Variants in HEMK2 observed in about 807,000 individuals in gnomAD.
The protein encoded by HEMK2 is methyltransferase HEMK2.
At chr21:28,585,771 G>C in the HEMK2 span, among the ~76,000 whole-genome samples, 1 of 152,074 alleles carries the variant, frequency 6.6e-6, no homozygotes, top group African/African-American at 2.4e-5. Context: ...ATTATAGGGA[G>C]AATAGGGAAG....
the HEMK2 span, among the ~76,000 whole-genome samples, chr21:28,785,231 C>A: frequency 6.6e-6 from 1 of 152,228 alleles, no homozygotes; most frequent in Non-Finnish European, 1.5e-5. Flanking sequence ...CGGCTTCATT[C>A]TTGAAGTCAG....
At chr21:28,786,904 C>A in the HEMK2 span, among the ~76,000 whole-genome samples, 3 of 152,054 alleles carry the variant, frequency 2.0e-5, no homozygotes, top group Non-Finnish European at 4.4e-5. Flanking sequence ...CACCATCATT[C>A]TTCACAGAGT....
chr21:28,700,562 T>C, the HEMK2 span, among the ~76,000 whole-genome samples: 1 of 152,276 alleles, frequency 6.6e-6, no homozygotes, highest in Admixed American at 6.5e-5. Flanking sequence ...AATGGATAAA[T>C]TCCTGGAAAT....
At chr21:28,801,709 G>T in the HEMK2 span, among the ~76,000 whole-genome samples, 3 of 151,988 alleles carry the variant, frequency 2.0e-5, no homozygotes, top group Non-Finnish European at 4.4e-5. Context: ...TATAAGATTA[G>T]GTTAAATCAT....
chr21:28,817,332 TTAAAGA>T, the HEMK2 span, among the ~76,000 whole-genome samples: 2 of 152,030 alleles, frequency 1.3e-5, no homozygotes, highest in African/African-American at 4.8e-5. Flanking sequence ...TCCAAAAAAA[TTAAAGA>T]TAATGTATAA....
the HEMK2 span, among the ~76,000 whole-genome samples, chr21:28,638,559 T>C: frequency 6.6e-6 from 1 of 152,094 alleles, no homozygotes; most frequent in Non-Finnish European, 1.5e-5. Context: ...GGCGTATGAG[T>C]TGGTTTGTGC....
At chr21:28,693,178 T>C in the HEMK2 span, among the ~76,000 whole-genome samples, 2 of 152,290 alleles carry the variant, frequency 1.3e-5, no homozygotes, top group African/African-American at 4.8e-5. Flanking sequence ...TAAAAACTTT[T>C]AAAATATATG....
the HEMK2 span, among the ~76,000 whole-genome samples, chr21:28,644,162 C>T: frequency 5.3e-5 from 8 of 152,078 alleles, no homozygotes; most frequent in Admixed American, 5.2e-4. Context: ...GCTGGGGAGG[C>T]CTCAGGAAAC....
At chr21:28,605,901 G>A in the HEMK2 span, among the ~76,000 whole-genome samples, 1 of 152,048 alleles carries the variant, frequency 6.6e-6, no homozygotes, top group Non-Finnish European at 1.5e-5. Context: ...TCCATTGAAG[G>A]TATCCATGAT....
At chr21:28,753,059 C>T in the HEMK2 span, among the ~76,000 whole-genome samples, 1 of 152,114 alleles carries the variant, frequency 6.6e-6, no homozygotes, top group Non-Finnish European at 1.5e-5. Flanking sequence ...TGCCTTGGTG[C>T]GATGGCTCTT....
chr21:28,736,826 G>A, the HEMK2 span, among the ~76,000 whole-genome samples: 34,457 of 151,034 alleles, frequency 0.23, 4,585 homozygotes, highest in African/African-American at 0.35. Flanking sequence ...AGGCAGGTGC[G>A]AAAGAAATAA....
the HEMK2 span, among the ~76,000 whole-genome samples, chr21:28,579,904 T>G: frequency 6.3e-3 from 961 of 152,314 alleles, 12 homozygotes; most frequent in African/African-American, 0.022. Flanking sequence ...GTTCTCCTCA[T>G]CGTGTAAGCA....
the HEMK2 span, chr21:28,875,890 C>T: frequency 6.6e-6 from 1 of 152,410 alleles, no homozygotes; most frequent in Admixed American, 6.5e-5. Flanking sequence ...GTAGTTCCTA[C>T]TTCTTGCTCA....
the HEMK2 span, among the ~76,000 whole-genome samples, chr21:28,785,191 A>G: frequency 6.6e-6 from 1 of 152,202 alleles, no homozygotes; most frequent in East Asian, 1.9e-4. Context: ...CACCACCTTT[A>G]AGAACTGTAA....
chr21:28,725,049 G>A, the HEMK2 span, among the ~76,000 whole-genome samples: 1 of 152,040 alleles, frequency 6.6e-6, no homozygotes, highest in Non-Finnish European at 1.5e-5. Context: ...CTCCCAAAGT[G>A]GTATCACACC....
the HEMK2 span, among the ~76,000 whole-genome samples, chr21:28,691,236 A>G: frequency 1.8e-5 from 2 of 112,044 alleles, no homozygotes; most frequent in African/African-American, 1.0e-4. Context: ...ACCCAGTGAG[A>G]CAGTTCATAT....
At chr21:28,847,879 G>A in the HEMK2 span, among the ~76,000 whole-genome samples, 2 of 152,078 alleles carry the variant, frequency 1.3e-5, no homozygotes, top group Non-Finnish European at 2.9e-5. Flanking sequence ...AAGAGAGAGA[G>A]TCTTTCCCCA....
the HEMK2 span, among the ~76,000 whole-genome samples, chr21:28,636,956 C>CT: frequency 6.6e-6 from 1 of 152,136 alleles, no homozygotes; most frequent in African/African-American, 2.4e-5. Flanking sequence ...CACAGACAAA[C>CT]CTGAAATCTT....
the HEMK2 span, among the ~76,000 whole-genome samples, chr21:28,742,685 GA>G: frequency 2.6e-5 from 4 of 151,012 alleles, no homozygotes; most frequent in African/African-American, 4.9e-5. Context: ...AAAAAAAAAG[GA>G]AAAAAAATGG....
Sources: allele counts gnomAD v4.1 joint callset (sites outside exome capture counted in the v4.1 genomes callset), GRCh38; gene constraint gnomAD v4.1.1; transcripts MANE v1.5; gene names NCBI Gene and HGNC (gene_info 2026-07-23, HGNC 2026-07-21).